RPL36A: variants seen among roughly 807,000 people sequenced by gnomAD.
RPL36A encodes the protein ribosomal protein L36a, also known as large ribosomal subunit protein eL42.
For synonymous variants in RPL36A, 25 were observed against 28.5 expected (o/e 0.88, Z 0.39); for missense variants, 20 against 81.0 (o/e 0.25, Z 2.89).
At chrX:101,395,595 C>A in intron 4 of RPL36A, 133 bp from the exon 5 acceptor site, 1 of 1,092,770 alleles carries the variant, frequency 9.2e-7, no homozygotes, top group Non-Finnish European at 1.2e-6. Flanking sequence ...TATGTGAGGT[C>A]TTTTGCTACA....
intron 3 of RPL36A, 170 bp downstream of exon 3, chrX:101,391,992 A>C: frequency 8.5e-7 from 1 of 1,169,705 alleles, no homozygotes; most frequent in African/African-American, 1.8e-5. Context: ...ATGTCTGACT[A>C]GTCCACAATA....
At chrX:101,394,320 C>G (rs1221943281) in intron 3 of RPL36A, among the ~76,000 whole-genome samples, 3 of 93,300 alleles carry the variant, frequency 3.2e-5, no homozygotes, top group Non-Finnish European at 6.1e-5. Flanking sequence ...AAAACTCCAT[C>G]TCAAAAAAAA....
intron 3 of RPL36A, chrX:101,393,418 A>G (rs1927899951): frequency 8.9e-6 from 1 of 112,033 alleles, no homozygotes; most frequent in Admixed American, 9.5e-5. Flanking sequence ...AATTAGACCA[A>G]CTATTTGATA....
At chrX:101,391,612 T>C in intron 2 of RPL36A, 48 bp downstream of exon 2, 4 of 1,198,365 alleles carry the variant, frequency 3.3e-6, no homozygotes, top group Non-Finnish European at 4.5e-6. Context: ...ATTTGTGTTG[T>C]AGAATAACAT....
intron 3 of RPL36A, among the ~76,000 whole-genome samples, chrX:101,394,806 T>C: frequency 1.4e-5 from 1 of 72,525 alleles, no homozygotes; most frequent in African/African-American, 1.0e-4. Context: ...TTTTTTTTTT[T>C]GAGATGGAGT....
intron 3 of RPL36A, 51 bp from the exon 4 acceptor site, chrX:101,395,284 A>C (rs1396454816): frequency 9.0e-7 from 1 of 1,115,452 alleles, no homozygotes; most frequent in Non-Finnish European, 1.2e-6. Context: ...TTTTTGAAGA[A>C]AGTGATCTTC....
chrX:101,395,198 G>A (rs979205139), intron 3 of RPL36A, 137 bp from the exon 4 acceptor site: 13 of 606,322 alleles, frequency 2.1e-5, no homozygotes, highest in Non-Finnish European at 3.0e-5. Flanking sequence ...ACTATTTAAA[G>A]CAAAGCATTG....
chrX:101,391,718 T>C, intron 2 of RPL36A, 37 bp from the exon 3 acceptor site: 1 of 1,208,467 alleles, frequency 8.3e-7, no homozygotes, highest in East Asian at 3.0e-5. Context: ...TTGCTGATCT[T>C]CAGTATTTTA....
In RPL36A at chrX:101,391,465, G is replaced by A. The variant is rs1427877173; in HGVS notation, c.10G>A (p.Val4Ile). The change falls in exon 2 of 5, where the codon GTC (valine) becomes ATC (isoleucine). Residue 4 changes from valine (V) to isoleucine (I), a missense_variant. Coordinates refer to ENST00000553110, the MANE Select transcript of RPL36A (RefSeq NM_021029.6). MVN[V>I]PKTRRTFCKK... ...TGAACTGTTTCTTTACTAGGTTAAC[G>A]TCCCTAAAACCCGCCGGACTTTCTG... 13 of 1,209,475 alleles carry A rather than the reference G, an allele frequency of 1.1e-5. No individual in the cohort carries two copies. The highest frequency in any genetic ancestry group is 1.5e-5 in the Non-Finnish European group (13 of 895,055).
At position 101,395,776 on chromosome X, in the gene RPL36A, A is replaced by C; in HGVS notation, c.*28A>C. 1 of 1,174,337 alleles carries C rather than the reference A, an allele frequency of 8.5e-7. No individual in the cohort carries two copies. The highest frequency in any genetic ancestry group is 2.4e-4 in the Middle Eastern group (1 of 4,225). On this transcript the variant is annotated 3_prime_UTR_variant, in exon 5 of 5. Transcript: ENST00000553110. ...GTCATCTTTTATTATGAAGACAATAAAATCTTGAGTTTATGTTCACTTCAT... is the reference window on the plus strand; with the variant it reads ...GTCATCTTTTATTATGAAGACAATACAATCTTGAGTTTATGTTCACTTCAT...
At chrX:101,392,465 A>G in intron 3 of RPL36A, 1 of 767,208 alleles carries the variant, frequency 1.3e-6, no homozygotes, top group Non-Finnish European at 1.5e-6. Context: ...GAATGACTTT[A>G]GTGCTCATTT....
At chrX:101,392,571 A>T in intron 3 of RPL36A, 1 of 754,586 alleles carries the variant, frequency 1.3e-6, no homozygotes, top group Non-Finnish European at 1.6e-6. Context: ...CAGAGGTTCT[A>T]ACTAGGTTTT....
At chrX:101,392,603 TAGC>T in intron 3 of RPL36A, 1 of 754,166 alleles carries the variant, frequency 1.3e-6, no homozygotes, top group Non-Finnish European at 1.6e-6. Flanking sequence ...AACTGCAAAC[TAGC>T]AGCAGCAGAA....
rs781861542 is a variant in RPL36A at position 101,391,302 on chromosome X, G to T, written c.4-157G>T. 1.8e-5 allele frequency: 12 copies of T among 679,327 alleles called. No individual in the cohort carries two copies. In the South Asian group the frequency reaches 3.2e-4, roughly 18 times the overall value. 56.0% of individuals were successfully genotyped at this position (679,327 alleles called of 1,213,427 possible). On this transcript the variant is annotated intron_variant, in intron 1 of 4. Transcript: ENST00000553110. ...CTTTGGGGCTCGACGGAGGGAGGAA[G>T]CTCTGCTTGAAGCACATGGGGCTGG...
intron 3 of RPL36A, among the ~76,000 whole-genome samples, chrX:101,394,166 A>G (rs1293942552): frequency 9.1e-6 from 1 of 110,006 alleles, no homozygotes; most frequent in Admixed American, 9.8e-5. Context: ...CCCCATCTCT[A>G]GTAAAAATAA....
chrX:101,393,099 G>A (rs944938073), intron 3 of RPL36A: 7 of 67,016 alleles, frequency 1.0e-4, no homozygotes, highest in African/African-American at 4.5e-4. Context: ...GGGCGACAGA[G>A]CAAGACTCCA....
At chrX:101,392,631 G>T (rs1480315797) in intron 3 of RPL36A, 11 of 752,290 alleles carry the variant, frequency 1.5e-5, no homozygotes, top group Non-Finnish European at 1.7e-5. Context: ...GGCTAAAGGG[G>T]CAAGCTTATT....
intron 3 of RPL36A, among the ~76,000 whole-genome samples, chrX:101,394,656 TTGA>T (rs1285461768): frequency 1.8e-3 from 185 of 104,693 alleles, no homozygotes; most frequent in African/African-American, 5.9e-3. Flanking sequence ...GGATTCAAAC[TTGA>T]TGACAACTGG....
Position 101,391,443 on chromosome X carries a change from A to T in RPL36A, c.4-16A>T. 8.3e-7 allele frequency: 1 copy of T among 1,209,447 alleles called. No homozygotes were observed. The highest frequency in any genetic ancestry group is 1.1e-6 in the Non-Finnish European group (1 of 894,310). ...GGTCAAATAACATTGCACGTTCTGAACTGTTTCTTTACTAGGTTAACGTCC... is the reference window on the plus strand; with the variant it reads ...GGTCAAATAACATTGCACGTTCTGATCTGTTTCTTTACTAGGTTAACGTCC... On this transcript the variant is annotated splice_polypyrimidine_tract_variant and intron_variant, in intron 1 of 4. Transcript: ENST00000553110.
Sources: allele counts gnomAD v4.1 joint callset (sites outside exome capture counted in the v4.1 genomes callset), GRCh38; gene constraint gnomAD v4.1.1; transcripts MANE v1.5; gene names NCBI Gene and HGNC (gene_info 2026-07-23, HGNC 2026-07-21).